The following MECOM variants were observed in gnomAD, a reference collection of about 807,000 sequenced individuals.
The protein encoded by MECOM is histone-lysine N-methyltransferase MECOM.
Under a neutral mutation model 116.3 loss-of-function variants are expected in MECOM, and 13 were observed. The ratio of observed to expected loss-of-function variants is 0.11; its 90% CI spans 0.07 to 0.18. The LOEUF (loss-of-function observed/expected upper bound fraction) is 0.18, where lower values mean the gene tolerates loss of function less well. Among genes scored for constraint, MECOM ranks in the 10% least tolerant of loss-of-function variants. MECOM has a pLI of 1.00. For missense variants in MECOM, 1,299 were observed against 1,509.0 expected, an observed-to-expected ratio of 0.86 and a Z score of 2.31; for synonymous variants, 528 against 535.2, an observed-to-expected ratio of 0.99 and a Z score of 0.19.
chr3:169,555,732 A>G (rs978057464), intron 1 of MECOM, among the ~76,000 whole-genome samples: 1 of 152,190 alleles, frequency 6.6e-6, no homozygotes, highest in African/African-American at 2.4e-5. Context: ...TAAAATACAA[A>G]ACACATCCTT....
At chr3:169,179,081 C>T (rs1258433055) in intron 2 of MECOM, among the ~76,000 whole-genome samples, 1 of 152,160 alleles carries the variant, frequency 6.6e-6, no homozygotes, top group Non-Finnish European at 1.5e-5. Flanking sequence ...CTTTAACATT[C>T]ACTTGAAAGG....
chr3:169,511,481 G>T (rs1366175415), intron 1 of MECOM, among the ~76,000 whole-genome samples: 3 of 152,126 alleles, frequency 2.0e-5, no homozygotes, highest in Admixed American at 1.3e-4. Context: ...GTATTTTTAG[G>T]CCAGGTGCAG....
At chr3:169,617,646 G>C (rs957383043) in intron 1 of MECOM, among the ~76,000 whole-genome samples, 1 of 152,112 alleles carries the variant, frequency 6.6e-6, no homozygotes, top group African/African-American at 2.4e-5. Flanking sequence ...CTTGGTCTGC[G>C]GTGCCTTTGG....
chr3:169,493,624 G>A (rs1578257580), intron 1 of MECOM, among the ~76,000 whole-genome samples: 2 of 151,856 alleles, frequency 1.3e-5, no homozygotes, highest in African/African-American at 4.8e-5. Context: ...TTTATATACT[G>A]GGTAACTGAA....
At chr3:169,577,976 A>C (rs6770911) in intron 1 of MECOM, among the ~76,000 whole-genome samples, 119,734 of 151,870 alleles carry the variant, frequency 0.79, 48,139 homozygotes, top group African/African-American at 0.95. Flanking sequence ...CATTCCTTAG[A>C]CAAATTAGGA....
At chr3:169,354,803 T>C (rs546670414) in intron 2 of MECOM, among the ~76,000 whole-genome samples, 1 of 151,972 alleles carries the variant, frequency 6.6e-6, no homozygotes, top group East Asian at 2.0e-4. Context: ...CTTCCTGAGC[T>C]GGGGCTTCAG....
intron 2 of MECOM, among the ~76,000 whole-genome samples, chr3:169,287,363 T>C (rs934460895): frequency 1.4e-5 from 2 of 143,388 alleles, no homozygotes. Flanking sequence ...ACACAACAAA[T>C]AATGTTTTTT....
At chr3:169,222,104 G>A (rs1254195560) in intron 2 of MECOM, among the ~76,000 whole-genome samples, 1 of 152,142 alleles carries the variant, frequency 6.6e-6, no homozygotes, top group African/African-American at 2.4e-5. Flanking sequence ...TACCTTACTG[G>A]AGAACACAGA....
rs529615827 is a variant in MECOM at position 169,158,749 on chromosome 3, A to G, written c.376-14917T>C. On this transcript the variant is annotated intron_variant, in intron 2 of 16. Coordinates refer to ENST00000651503, the MANE Select transcript of MECOM (RefSeq NM_004991.4). ...TGCTCACTGTAGAACCTAAGCTCTC[A>G]GTAAGATGTAAATTCACTGAATTTG... is the stretch of plus-strand genomic sequence containing the variant. 5.3e-5 allele frequency among the ~76,000 whole-genome samples: 8 copies of G among 152,312 alleles called. No homozygotes were observed. In the East Asian group the frequency reaches 1.5e-3, roughly 29 times the overall value.
chr3:169,599,383 G>A (rs757804271), intron 1 of MECOM, among the ~76,000 whole-genome samples: 5 of 151,872 alleles, frequency 3.3e-5, no homozygotes, highest in Admixed American at 2.0e-4. Flanking sequence ...GCGTGGTGGC[G>A]CATGCCTATA....
At chr3:169,489,432 ATGAC>A (rs1470792782) in intron 1 of MECOM, among the ~76,000 whole-genome samples, 1 of 152,224 alleles carries the variant, frequency 6.6e-6, no homozygotes, top group Non-Finnish European at 1.5e-5. Context: ...GGAAGAATAA[ATGAC>A]TGAAACAATC....
chr3:169,586,080 C>T (rs1270503576), intron 1 of MECOM, among the ~76,000 whole-genome samples: 2 of 152,154 alleles, frequency 1.3e-5, no homozygotes, highest in African/African-American at 4.8e-5. Flanking sequence ...ATAATTAACT[C>T]AATTTCTATT....
At chr3:169,534,891 C>T (rs572026618) in intron 1 of MECOM, among the ~76,000 whole-genome samples, 2 of 152,290 alleles carry the variant, frequency 1.3e-5, no homozygotes, top group East Asian at 1.9e-4. Context: ...CCTGCTACCT[C>T]GGAGTGTGAC....
intron 1 of MECOM, among the ~76,000 whole-genome samples, chr3:169,655,624 C>T (rs1405396787): frequency 1.3e-5 from 2 of 152,128 alleles, no homozygotes; most frequent in Non-Finnish European, 2.9e-5. Flanking sequence ...AATTTACTGC[C>T]TAGTTTGGCT....
chr3:169,577,114 T>A (rs1226453298), intron 1 of MECOM, among the ~76,000 whole-genome samples: 1 of 152,164 alleles, frequency 6.6e-6, no homozygotes, highest in Non-Finnish European at 1.5e-5. Context: ...TGAATTGACA[T>A]CTCTGTACCT....
At chr3:169,299,035 A>C (rs2149709478) in intron 2 of MECOM, among the ~76,000 whole-genome samples, 1 of 152,298 alleles carries the variant, frequency 6.6e-6, no homozygotes, top group South Asian at 2.1e-4. Context: ...AATCACTGCA[A>C]GTTTCATGAA....
intron 1 of MECOM, among the ~76,000 whole-genome samples, chr3:169,423,836 A>G (rs1740187763): frequency 6.6e-6 from 1 of 152,150 alleles, no homozygotes; most frequent in African/African-American, 2.4e-5. Flanking sequence ...AGTTTTGAAT[A>G]CTTCTTTTCT....
chr3:169,333,542 C>G (rs1466818355), intron 2 of MECOM, among the ~76,000 whole-genome samples: 1 of 151,958 alleles, frequency 6.6e-6, no homozygotes, highest in Non-Finnish European at 1.5e-5. Context: ...ACACCACTAC[C>G]CTAAGCAATG....
Position 169,122,709 on chromosome 3 carries a change from C to T in MECOM, c.849G>A (p.Leu283=). Residue 283 remains leucine (L), a synonymous_variant, in exon 6 of 17, where the codon CTG becomes CTA. Coordinates refer to ENST00000651503, the MANE Select transcript of MECOM (RefSeq NM_004991.4). ...TGTATTCCCTCTCTTCAGTATGTGA[C>T]AGCATGTGTTTCTCCAGGCTGTTAA... ...PDLQSLEKHM[L]SHTEEREYKC... 1 of 1,613,906 alleles carries T rather than the reference C, an allele frequency of 6.2e-7. No individual in the cohort carries two copies. Among genetic ancestry groups the T allele is most frequent in the Non-Finnish European group, 8.5e-7 (1 of 1,179,838 alleles).
Sources: gnomAD v4.1 joint callset for allele counts (sites outside exome capture counted in the v4.1 genomes callset) on GRCh38, gnomAD v4.1.1 for gene constraint, MANE v1.5 for transcripts, NCBI Gene and HGNC (gene_info 2026-07-23, HGNC 2026-07-21) for gene names.